DSCAM: variants seen among roughly 807,000 people sequenced by gnomAD.
DSCAM encodes the protein DS cell adhesion molecule, also known as cell adhesion molecule DSCAM.
Under a neutral mutation model 217.7 loss-of-function variants are expected in DSCAM, and 47 were observed. The observed-to-expected ratio is 0.22, with a 90% confidence interval of 0.17 to 0.28. The LOEUF (loss-of-function observed/expected upper bound fraction) is 0.28. Among genes scored for constraint, DSCAM ranks in the 10% least tolerant of loss-of-function variants. DSCAM has a pLI of 1.00. For synonymous variants in DSCAM, 1,056 were observed against 1,015.3 expected (o/e 1.04, Z -0.76); for missense variants, 2,080 against 2,618.3 (o/e 0.79, Z 4.49).
intron 18 of DSCAM, among the ~76,000 whole-genome samples, chr21:40,137,295 A>G (rs1470847404): frequency 6.6e-6 from 1 of 151,232 alleles, no homozygotes; most frequent in African/African-American, 2.4e-5. Flanking sequence ...TGATTAACTA[A>G]TTTATCATGA....
At chr21:40,143,663 T>C (rs1049129332) in intron 17 of DSCAM, among the ~76,000 whole-genome samples, 14 of 151,928 alleles carry the variant, frequency 9.2e-5, no homozygotes, top group Non-Finnish European at 1.5e-4. Context: ...TGGTGGCGGG[T>C]GCCTGCAGTC....
At chr21:40,711,765 G>A (rs2090782924) in intron 1 of DSCAM, among the ~76,000 whole-genome samples, 1 of 152,138 alleles carries the variant, frequency 6.6e-6, no homozygotes, top group African/African-American at 2.4e-5. Context: ...CAATGCTGAA[G>A]GTGCATCCCA....
intron 1 of DSCAM, among the ~76,000 whole-genome samples, chr21:40,803,798 C>G (rs1569044232): frequency 6.6e-6 from 1 of 152,086 alleles, no homozygotes; most frequent in African/African-American, 2.4e-5. Context: ...ACCTTTATAC[C>G]TGTGTCTGGA....
At chr21:40,359,724 T>G (rs1291450383) in intron 4 of DSCAM, among the ~76,000 whole-genome samples, 1 of 152,220 alleles carries the variant, frequency 6.6e-6, no homozygotes, top group African/African-American at 2.4e-5. Flanking sequence ...TCAATTTATG[T>G]GAAATATCCA....
chr21:40,205,955 G>A (rs893222127), intron 11 of DSCAM, among the ~76,000 whole-genome samples: 1 of 152,128 alleles, frequency 6.6e-6, no homozygotes, highest in African/African-American at 2.4e-5. Context: ...TACCACATTT[G>A]GCCTTTTATA....
At chr21:40,590,607 A>C (rs2076977240) in intron 3 of DSCAM, among the ~76,000 whole-genome samples, 1 of 151,858 alleles carries the variant, frequency 6.6e-6, no homozygotes, top group Non-Finnish European at 1.5e-5. Context: ...TGATATAGCT[A>C]GTAATAGCAA....
chr21:40,432,200 A>G lies in DSCAM; in HGVS notation c.509-62955T>C, dbSNP rs2075539955. The stretch of plus-strand genomic sequence containing the variant: ...CAACAGCATGAGACTCTGCCTCAAA[A>G]ATAATAATAAAAAATAAATATATAA... On this transcript the variant is annotated intron_variant, in intron 3 of 32. Transcript: ENST00000400454. Among the ~76,000 whole-genome samples, 3 of 150,574 alleles carry G rather than the reference A, an allele frequency of 2.0e-5. No individual in the cohort carries two copies. In the Admixed American group the frequency reaches 2.0e-4, roughly 10 times the overall value.
chr21:40,065,460 G>A lies in DSCAM; in HGVS notation c.4889-2561C>T, dbSNP rs564060151. On this transcript the variant is annotated intron_variant, in intron 27 of 32. Coordinates refer to ENST00000400454, the MANE Select transcript of DSCAM (RefSeq NM_001389.5). ...AGCCAAGAAAAAAATTTAAAGTCCCGGAATCACAGAATCTTAAGAGCAATA... is the reference window on the plus strand; with the variant it reads ...AGCCAAGAAAAAAATTTAAAGTCCCAGAATCACAGAATCTTAAGAGCAATA... 2.2e-3 allele frequency among the ~76,000 whole-genome samples: 329 copies of A among 152,160 alleles called. 1 individual carries two copies. The highest frequency in any genetic ancestry group is 3.7e-3 in the Admixed American group (57 of 15,286).
At chr21:40,797,833 T>C (rs1252595421) in intron 1 of DSCAM, among the ~76,000 whole-genome samples, 1 of 152,118 alleles carries the variant, frequency 6.6e-6, no homozygotes. Context: ...TTAATACAGT[T>C]GTAAGGATCT....
intron 1 of DSCAM, among the ~76,000 whole-genome samples, chr21:40,761,076 T>A (rs750239823): frequency 1.3e-5 from 2 of 152,218 alleles, no homozygotes; most frequent in African/African-American, 2.4e-5. Context: ...CAATTCCTTA[T>A]GGAAAGAGTC....
At chr21:40,068,128 G>C (rs563150783) in intron 27 of DSCAM, among the ~76,000 whole-genome samples, 3 of 152,264 alleles carry the variant, frequency 2.0e-5, no homozygotes, top group African/African-American at 7.2e-5. Context: ...ATAATCTAGT[G>C]ATATTAAAAT....
chr21:40,206,897 C>T (rs2091132882), intron 11 of DSCAM, among the ~76,000 whole-genome samples: 1 of 152,132 alleles, frequency 6.6e-6, no homozygotes, highest in Admixed American at 6.5e-5. Flanking sequence ...GGCAGCAGAA[C>T]AAGACTTTGT....
chr21:40,187,922 C>G lies in DSCAM; in HGVS notation c.2619G>C (p.Glu873Asp). 6.2e-7 allele frequency: 1 copy of G among 1,614,078 alleles called. No individual in the cohort carries two copies. Among genetic ancestry groups the G allele is most frequent in the Non-Finnish European group, 8.5e-7 (1 of 1,179,994 alleles). ...FSCHAINSYGEDRGIIQLTVQ... is the reference protein window; with the variant it reads ...FSCHAINSYGDDRGIIQLTVQ... Reference sequence around the variant, plus strand: ...CTGTGAGCTGAATTATTCCACGGTCCTCCCCATAAGAATTAATAGCATGGC... The same window carrying G: ...CTGTGAGCTGAATTATTCCACGGTCGTCCCCATAAGAATTAATAGCATGGC... Residue 873 changes from glutamate to aspartate, a missense_variant, in exon 13 of 33, where the codon GAG becomes GAC. Transcript: ENST00000400454.
At chr21:40,089,513 G>A (rs891236882) in intron 21 of DSCAM, among the ~76,000 whole-genome samples, 1 of 152,190 alleles carries the variant, frequency 6.6e-6, no homozygotes, top group African/African-American at 2.4e-5. Context: ...CCCAGGACCA[G>A]TGCCATGGCC....
intron 1 of DSCAM, among the ~76,000 whole-genome samples, chr21:40,744,267 G>T (rs963949730): frequency 6.6e-6 from 1 of 152,126 alleles, no homozygotes; most frequent in African/African-American, 2.4e-5. Context: ...AAAAGTGGGG[G>T]TGCTGATCAC....
chr21:40,779,032 G>GAAAA (rs772208075), intron 1 of DSCAM, among the ~76,000 whole-genome samples: 5 of 45,536 alleles, frequency 1.1e-4, no homozygotes, highest in African/African-American at 1.7e-4. Context: ...CTCAAAAACA[G>GAAAA]AAAAAAAAAA....
chr21:40,589,279 T>C (rs1369381383), intron 3 of DSCAM, among the ~76,000 whole-genome samples: 2 of 152,178 alleles, frequency 1.3e-5, no homozygotes, highest in Non-Finnish European at 2.9e-5. Flanking sequence ...AATGAAATAA[T>C]AAAAACTAAT....
At chr21:40,773,348 A>G (rs929565780) in intron 1 of DSCAM, among the ~76,000 whole-genome samples, 6 of 152,188 alleles carry the variant, frequency 3.9e-5, no homozygotes, top group Non-Finnish European at 7.3e-5. Flanking sequence ...AATCTTTGGC[A>G]TACTTTGGCT....
At chr21:40,648,421 T>C (rs1024437978) in intron 3 of DSCAM, among the ~76,000 whole-genome samples, 2 of 152,056 alleles carry the variant, frequency 1.3e-5, no homozygotes, top group Non-Finnish European at 2.9e-5. Flanking sequence ...GAGCTGTTGA[T>C]AGTGGCAGGA....
Sources: gnomAD v4.1 joint callset for allele counts (sites outside exome capture counted in the v4.1 genomes callset) on GRCh38, gnomAD v4.1.1 for gene constraint, MANE v1.5 for transcripts, NCBI Gene and HGNC (gene_info 2026-07-23, HGNC 2026-07-21) for gene names.